The following SPAG16 variants were observed in gnomAD, a reference collection of about 807,000 sequenced individuals.
The protein encoded by SPAG16 is sperm associated antigen 16, also known as sperm-associated antigen 16 protein.
In SPAG16, 86 loss-of-function variants were observed where a neutral mutation model predicts 80.4. The ratio of observed to expected loss-of-function variants is 1.07; its 90% CI spans 0.90 to 1.28. SPAG16 has a LOEUF of 1.28. Among genes scored for constraint, SPAG16 ranks in the 50% most tolerant of loss-of-function variants. The pLI is 0.00. For synonymous variants in SPAG16, 294 were observed against 265.9 expected (o/e 1.11, Z -1.03); for missense variants, 870 against 765.3 (o/e 1.14, Z -1.61).
At chr2:214,075,532 C>T (rs749928865) in intron 13 of SPAG16, among the ~76,000 whole-genome samples, 15 of 152,092 alleles carry the variant, frequency 9.9e-5, no homozygotes, top group East Asian at 1.9e-4. Context: ...CCAACTTAAA[C>T]GCTTGTGATT....
intron 9 of SPAG16, among the ~76,000 whole-genome samples, chr2:213,448,001 G>A (rs7560498): frequency 0.06 from 9,136 of 152,228 alleles, 910 homozygotes; most frequent in African/African-American, 0.21. Flanking sequence ...TACAGTCACG[G>A]CACTGGCCAC....
At chr2:213,320,913 C>T (rs924279143) in intron 5 of SPAG16, among the ~76,000 whole-genome samples, 3 of 152,006 alleles carry the variant, frequency 2.0e-5, no homozygotes, top group Non-Finnish European at 4.4e-5. Context: ...ATCTGTCATG[C>T]TACCAGCCTG....
intron 9 of SPAG16, among the ~76,000 whole-genome samples, chr2:213,398,711 T>G (rs1364898754): frequency 6.6e-6 from 1 of 152,176 alleles, no homozygotes; most frequent in Non-Finnish European, 1.5e-5. Flanking sequence ...TCTATCCTAC[T>G]TTAATTTTTC....
intron 9 of SPAG16, among the ~76,000 whole-genome samples, chr2:213,457,175 G>T (rs189425569): frequency 6.6e-6 from 1 of 152,214 alleles, no homozygotes; most frequent in Non-Finnish European, 1.5e-5. Context: ...TGTCTACCAG[G>T]AAATTGTTTC....
At chr2:213,931,055 GCT>G (rs2078725920) in intron 12 of SPAG16, among the ~76,000 whole-genome samples, 1 of 151,108 alleles carries the variant, frequency 6.6e-6, no homozygotes, top group African/African-American at 2.4e-5. Flanking sequence ...AGGGGTGGTA[GCT>G]CTTTCTTGAA....
At chr2:213,859,178 CAAAAAAAAAAAA>C (rs1165853142) in intron 10 of SPAG16, among the ~76,000 whole-genome samples, 26 of 9,366 alleles carry the variant, frequency 2.8e-3, no homozygotes, top group African/African-American at 0.013. Flanking sequence ...CACTCCGTCT[CAAAAAAAAAAAA>C]AAAAAAAAAA....
intron 10 of SPAG16, among the ~76,000 whole-genome samples, chr2:213,499,278 T>C (rs1273995464): frequency 6.6e-6 from 1 of 152,156 alleles, no homozygotes; most frequent in Non-Finnish European, 1.5e-5. Context: ...CTCCTTTCTG[T>C]TCTCTTGATA....
chr2:214,245,515 T>C (rs1010387423), intron 15 of SPAG16, among the ~76,000 whole-genome samples: 5 of 152,170 alleles, frequency 3.3e-5, no homozygotes, highest in Admixed American at 3.3e-4. Context: ...GAATTAATAA[T>C]ATATTGGCTG....
chr2:213,745,379 A>AT (rs2067770867), intron 10 of SPAG16, among the ~76,000 whole-genome samples: 1 of 152,048 alleles, frequency 6.6e-6, no homozygotes, highest in African/African-American at 2.4e-5. Context: ...AGTAGCTGGG[A>AT]TTACAGGTGC....
At chr2:213,358,507 G>C (rs772249278) in intron 7 of SPAG16, among the ~76,000 whole-genome samples, 1 of 151,870 alleles carries the variant, frequency 6.6e-6, no homozygotes, top group Non-Finnish European at 1.5e-5. Flanking sequence ...TCATTAAGTC[G>C]ATCTTCAATC....
chr2:213,340,163 C>A lies in SPAG16; in HGVS notation c.537C>A (p.Asp179Glu). 3 of 1,592,494 alleles carry A rather than the reference C, an allele frequency of 1.9e-6. No individual in the cohort carries two copies. Among genetic ancestry groups the A allele is most frequent in the Admixed American group, 1.8e-5 (1 of 55,220 alleles). Residue 179 changes from aspartate (D) to glutamate (E), a missense_variant and splice_region_variant, in exon 6 of 16, where the codon GAC (aspartate) becomes GAA (glutamate). Coordinates refer to ENST00000331683, the MANE Select transcript of SPAG16 (RefSeq NM_024532.5). ...TATAAAGTTACTATTTTTTTTTCAG[C>A]AAAGCTAGAGAAGATTTGCTGAAAA... ...KDLKHYKQAA[D>E]KAREDLLKIQ... is the part of the protein sequence containing the mutation.
chr2:213,403,757 A>T (rs1408188511), intron 9 of SPAG16, among the ~76,000 whole-genome samples: 1 of 152,180 alleles, frequency 6.6e-6, no homozygotes, highest in East Asian at 1.9e-4. Context: ...GGAAAAGAGG[A>T]AGTCAAATTG....
At chr2:214,180,133 C>T (rs930951485) in intron 15 of SPAG16, among the ~76,000 whole-genome samples, 6 of 151,442 alleles carry the variant, frequency 4.0e-5, no homozygotes, top group Admixed American at 1.3e-4. Flanking sequence ...TTTAAAACCA[C>T]CAGAAATTAT....
intron 6 of SPAG16, among the ~76,000 whole-genome samples, chr2:213,346,481 C>T (rs567649204): frequency 2.0e-5 from 3 of 152,294 alleles, no homozygotes; most frequent in African/African-American, 7.2e-5. Context: ...GGAATGCTTC[C>T]AGTTTTTGCC....
At chr2:214,106,919 C>A (rs1263133911) in intron 13 of SPAG16, among the ~76,000 whole-genome samples, 1 of 152,090 alleles carries the variant, frequency 6.6e-6, no homozygotes, top group African/African-American at 2.4e-5. Context: ...TCCAGAAAAA[C>A]TCCCTTCCTA....
chr2:214,058,214 T>G (rs892064390), intron 13 of SPAG16, among the ~76,000 whole-genome samples: 6 of 152,188 alleles, frequency 3.9e-5, no homozygotes, highest in Non-Finnish European at 8.8e-5. Flanking sequence ...TCCTCCAGCT[T>G]AATCATTTCT....
intron 15 of SPAG16, among the ~76,000 whole-genome samples, chr2:214,223,903 C>A (rs1347993973): frequency 3.9e-5 from 6 of 151,968 alleles, no homozygotes; most frequent in African/African-American, 1.5e-4. Context: ...CCAAGGCTGA[C>A]CAAAGGAAGA....
At position 214,309,563 on chromosome 2, in the gene SPAG16, GT is replaced by G. The variant is rs60357532; in HGVS notation, c.1721-100567del. ...TTTGAGGTTGCTGACCTTTGGATAG[GT>G]TTTTTTTTTCTTTTATCCTATTTGA... On this transcript the variant is annotated intron_variant, in intron 15 of 15. Transcript: ENST00000331683. 3.1e-3 allele frequency among the ~76,000 whole-genome samples: 463 copies of G among 149,790 alleles called. 2 individuals carry two copies. The highest frequency in any genetic ancestry group is 0.01 in the African/African-American group (409 of 40,844).
chr2:214,257,085 T>G (rs1354953168), intron 15 of SPAG16, among the ~76,000 whole-genome samples: 1 of 151,964 alleles, frequency 6.6e-6, no homozygotes, highest in South Asian at 2.1e-4. Flanking sequence ...TCTAAGCAAT[T>G]TTTGTAGTTT....
Sources: gnomAD v4.1 joint callset for allele counts (sites outside exome capture counted in the v4.1 genomes callset) on GRCh38, gnomAD v4.1.1 for gene constraint, MANE v1.5 for transcripts, NCBI Gene and HGNC (gene_info 2026-07-23, HGNC 2026-07-21) for gene names.